The following LDB2 variants were observed in gnomAD, a reference collection of about 807,000 sequenced individuals.
LDB2 encodes the protein LIM domain binding 2.
LDB2 carries 12 observed loss-of-function variants against 44.3 expected under a neutral mutation model. The observed-to-expected ratio is 0.27, with a 90% confidence interval of 0.17 to 0.44. LDB2 has a LOEUF of 0.44. Among genes scored for constraint, LDB2 ranks in the 20% least tolerant of loss-of-function variants. LDB2 has a pLI of 1.00. For missense variants in LDB2, 344 were observed against 473.5 expected, an observed-to-expected ratio of 0.73 and a Z score of 2.54; for synonymous variants, 164 against 174.8, an observed-to-expected ratio of 0.94 and a Z score of 0.49.
At chr4:16,824,727 A>G (rs998022595) in intron 1 of LDB2, among the ~76,000 whole-genome samples, 9 of 152,190 alleles carry the variant, frequency 5.9e-5, no homozygotes, top group Non-Finnish European at 1.3e-4. Context: ...AATCCATCCA[A>G]TTTCTGAAGA....
rs558527446 is a variant in LDB2 at position 16,658,892 on chromosome 4, C to T, written c.236-63017G>A. On this transcript the variant is annotated intron_variant, in intron 2 of 7. Transcript: ENST00000304523. The stretch of plus-strand genomic sequence containing the variant: ...AAGTAGTTTGCCCAAGGTCTCGAAA[C>T]CTAAGGACTGAAAGTCAAAGCAGGA... 8.4e-4 allele frequency among the ~76,000 whole-genome samples: 128 copies of T among 152,278 alleles called. 1 individual carries two copies. The highest frequency in any genetic ancestry group is 3.0e-3 in the African/African-American group (123 of 41,552).
At chr4:16,707,575 C>T (rs1335260384) in intron 2 of LDB2, among the ~76,000 whole-genome samples, 2 of 152,046 alleles carry the variant, frequency 1.3e-5, no homozygotes, top group African/African-American at 2.4e-5. Flanking sequence ...TCTTCTCTAC[C>T]GGCTTCATTT....
At chr4:16,788,073 C>T (rs569887526) in intron 1 of LDB2, among the ~76,000 whole-genome samples, 2 of 152,196 alleles carry the variant, frequency 1.3e-5, no homozygotes, top group Admixed American at 6.5e-5. Flanking sequence ...TCCTCCCCCC[C>T]CTCTCTGCCA....
In LDB2 at chr4:16,898,320, T is replaced by C. The variant is rs546357956; in HGVS notation, c.132+34A>G. The C allele has an allele frequency of 1.0e-5, 16 of 1,598,882 alleles. No individual in the cohort carries two copies. The East Asian group carries it at 2.5e-4, about 25-fold the overall frequency. ...AAGCTCATGCATAGCTTAACAAAAA[T>C]ACACAAACACATCCCCAAGGTTGAA... is the stretch of plus-strand genomic sequence containing the variant. On this transcript the variant is annotated intron_variant, in intron 1 of 7. Coordinates refer to ENST00000304523, the MANE Select transcript of LDB2 (RefSeq NM_001290.5).
At chr4:16,567,674 G>A (rs1745041965) in intron 5 of LDB2, among the ~76,000 whole-genome samples, 1 of 152,194 alleles carries the variant, frequency 6.6e-6, no homozygotes, top group Non-Finnish European at 1.5e-5. Context: ...GCAGGCTGAG[G>A]CAGGAGAATG....
chr4:16,700,896 C>T (rs569751059), intron 2 of LDB2, among the ~76,000 whole-genome samples: 38 of 152,272 alleles, frequency 2.5e-4, no homozygotes, highest in African/African-American at 7.2e-4. Flanking sequence ...AATGAGTGAG[C>T]AAATCACAGC....
chr4:16,657,746 T>C (rs1331742550), intron 2 of LDB2, among the ~76,000 whole-genome samples: 1 of 152,238 alleles, frequency 6.6e-6, no homozygotes, highest in East Asian at 1.9e-4. Flanking sequence ...CAGTTCCTTA[T>C]ATATTTGTTG....
intron 2 of LDB2, among the ~76,000 whole-genome samples, chr4:16,697,008 A>T (rs73238827): frequency 0.083 from 12,609 of 152,164 alleles, 835 homozygotes; most frequent in East Asian, 0.4. Flanking sequence ...GGGACAGAAT[A>T]TGGAAATGGT....
chr4:16,621,168 G>A (rs938442035), intron 2 of LDB2, among the ~76,000 whole-genome samples: 3 of 152,142 alleles, frequency 2.0e-5, no homozygotes, highest in Non-Finnish European at 2.9e-5. Flanking sequence ...GACTCATAAC[G>A]GGGGAGCATA....
intron 2 of LDB2, among the ~76,000 whole-genome samples, chr4:16,738,750 A>G (rs1421744647): frequency 1.2e-4 from 19 of 152,212 alleles, no homozygotes; most frequent in Non-Finnish European, 1.5e-5. Context: ...AAATGTTAGC[A>G]GTGTTAAGTG....
At position 16,753,764 on chromosome 4, in the gene LDB2, T is replaced by C. The variant is rs369173361; in HGVS notation, c.235+5394A>G. Among the ~76,000 whole-genome samples, 8 of 152,280 alleles carry C rather than the reference T, an allele frequency of 5.3e-5. No individual in the cohort carries two copies. In the East Asian group the frequency reaches 5.8e-4, roughly 11 times the overall value. The stretch of plus-strand genomic sequence containing the variant: ...TCAAGATGAAATAACAAATGTGTGA[T>C]AGAGAATTACTGGGACCCCTAGCCC... On this transcript the variant is annotated intron_variant, in intron 2 of 7. Transcript: ENST00000304523.
chr4:16,502,941 T>C, intron 7 of LDB2, 68 bp from the exon 8 acceptor site: 1 of 1,604,696 alleles, frequency 6.2e-7, no homozygotes, highest in South Asian at 1.1e-5. Flanking sequence ...AAAATAACAG[T>C]GGGAGGAGTC....
chr4:16,894,597 C>T (rs1724376411), intron 1 of LDB2, among the ~76,000 whole-genome samples: 1 of 152,050 alleles, frequency 6.6e-6, no homozygotes, highest in African/African-American at 2.4e-5. Context: ...ATCTAAATGA[C>T]CTCACATAAA....
At chr4:16,828,327 T>A (rs1783435016) in intron 1 of LDB2, among the ~76,000 whole-genome samples, 1 of 152,210 alleles carries the variant, frequency 6.6e-6, no homozygotes, top group South Asian at 2.1e-4. Context: ...ACTCTGTTTT[T>A]TCTCTGGCCC....
At chr4:16,539,530 C>G (rs1383247732) in intron 5 of LDB2, among the ~76,000 whole-genome samples, 4 of 152,158 alleles carry the variant, frequency 2.6e-5, no homozygotes, top group African/African-American at 9.7e-5. Context: ...TAGATTTTCA[C>G]CACACCTAGC....
intron 7 of LDB2, 121 bp downstream of exon 7, chr4:16,508,414 C>T: frequency 1.1e-6 from 1 of 936,732 alleles, no homozygotes; most frequent in Non-Finnish European, 1.5e-6. Flanking sequence ...TTATCCCTCC[C>T]CCACCTCCAA....
chr4:16,697,668 T>C (rs1752493538), intron 2 of LDB2, among the ~76,000 whole-genome samples: 2 of 152,258 alleles, frequency 1.3e-5, no homozygotes, highest in East Asian at 1.9e-4. Flanking sequence ...CTTCTTCTAA[T>C]CCAGATGGTG....
At chr4:16,731,274 A>C (rs1760693588) in intron 2 of LDB2, among the ~76,000 whole-genome samples, 1 of 152,092 alleles carries the variant, frequency 6.6e-6, no homozygotes, top group Admixed American at 6.6e-5. Context: ...ACAGACAGCC[A>C]ACTTCCCACT....
At chr4:16,811,756 C>A (rs765201598) in intron 1 of LDB2, among the ~76,000 whole-genome samples, 1 of 152,156 alleles carries the variant, frequency 6.6e-6, no homozygotes, top group Non-Finnish European at 1.5e-5. Context: ...GGGAAGACTA[C>A]TATAAAAATG....
Sources: allele counts gnomAD v4.1 joint callset (sites outside exome capture counted in the v4.1 genomes callset), GRCh38; gene constraint gnomAD v4.1.1; transcripts MANE v1.5; gene names NCBI Gene and HGNC (gene_info 2026-07-23, HGNC 2026-07-21).